The following CHSY3 variants were observed in gnomAD, a reference collection of about 807,000 sequenced individuals.
CHSY3 encodes the protein N-acetylgalactosaminyl-proteoglycan 3-beta-glucuronosyltransferase 3.
A neutral mutation model predicts 67.2 loss-of-function variants in CHSY3; 35 were observed. The ratio of observed to expected loss-of-function variants is 0.52; its 90% CI spans 0.40 to 0.69. The LOEUF is 0.69. CHSY3 is among the 30% of genes least tolerant of loss of function. The pLI, the probability that CHSY3 is intolerant of heterozygous loss-of-function variation, is 0.00. For synonymous variants in CHSY3, 474 were observed against 434.7 expected, an observed-to-expected ratio of 1.09 and a Z score of -1.12; for missense variants, 1,069 against 1,138.5, an observed-to-expected ratio of 0.94 and a Z score of 0.88.
chr5:129,948,258 T>C (rs1364681233), intron 2 of CHSY3, among the ~76,000 whole-genome samples: 1 of 152,200 alleles, frequency 6.6e-6, no homozygotes, highest in Non-Finnish European at 1.5e-5. Flanking sequence ...TTAGTCGTGA[T>C]TTCTGAGATT....
intron 2 of CHSY3, among the ~76,000 whole-genome samples, chr5:130,100,038 A>G (rs1175293774): frequency 6.6e-6 from 1 of 152,164 alleles, no homozygotes; most frequent in Non-Finnish European, 1.5e-5. Context: ...TTTAGAAAAT[A>G]GATACTGTAT....
intron 2 of CHSY3, among the ~76,000 whole-genome samples, chr5:130,095,850 C>T (rs1292089564): frequency 6.6e-6 from 1 of 152,238 alleles, no homozygotes; most frequent in Non-Finnish European, 1.5e-5. Flanking sequence ...CCGAGGTTAA[C>T]ATAACCACCA....
intron 2 of CHSY3, among the ~76,000 whole-genome samples, chr5:129,920,214 A>C (rs773438902): frequency 1.3e-5 from 2 of 152,146 alleles, no homozygotes; most frequent in Non-Finnish European, 2.9e-5. Flanking sequence ...GTCCTCCACT[A>C]ATCCACAAGG....
rs1769024771 is a variant in CHSY3, at chr5:130,144,878, T to TA, written c.1087-39349dup. On this transcript the variant is annotated intron_variant, in intron 2 of 2. Transcript: ENST00000305031. The stretch of plus-strand genomic sequence containing the variant: ...AAGTGGCTCACAGTTCTGCAGGCTG[T>TA]AAGCCAATTACAAAGAAGCATGATG... Among the ~76,000 whole-genome samples the TA allele has an allele frequency of 2.0e-5, 3 of 152,314 alleles. No homozygotes were observed. The South Asian group carries it at 6.2e-4, about 32-fold the overall frequency.
intron 2 of CHSY3, among the ~76,000 whole-genome samples, chr5:129,920,285 C>T (rs767059411): frequency 3.3e-5 from 5 of 152,120 alleles, no homozygotes; most frequent in Non-Finnish European, 7.4e-5. Flanking sequence ...ACTCTGTCAC[C>T]GAGGCTGTAG....
intron 2 of CHSY3, among the ~76,000 whole-genome samples, chr5:130,059,773 T>C (rs1332299181): frequency 6.6e-6 from 1 of 152,148 alleles, no homozygotes; most frequent in African/African-American, 2.4e-5. Flanking sequence ...TCAAAAGGTA[T>C]CATATACTTT....
chr5:129,920,809 A>G (rs1444515466), intron 2 of CHSY3, among the ~76,000 whole-genome samples: 1 of 150,520 alleles, frequency 6.6e-6, no homozygotes, highest in Non-Finnish European at 1.5e-5. Context: ...CAACCCCACC[A>G]TAAGATTTTT....
At chr5:130,158,845 G>A (rs1769444864) in intron 2 of CHSY3, among the ~76,000 whole-genome samples, 2 of 152,158 alleles carry the variant, frequency 1.3e-5, no homozygotes, top group Non-Finnish European at 2.9e-5. Context: ...TGTTGGCCAA[G>A]CTGGAGTGCA....
chr5:130,040,288 C>T (rs1446506685), intron 2 of CHSY3, among the ~76,000 whole-genome samples: 1 of 152,210 alleles, frequency 6.6e-6, no homozygotes, highest in African/African-American at 2.4e-5. Flanking sequence ...GAGTACACCA[C>T]GTGAAGACAA....
chr5:130,006,820 C>T (rs1763891127), intron 2 of CHSY3, among the ~76,000 whole-genome samples: 1 of 152,050 alleles, frequency 6.6e-6, no homozygotes, highest in African/African-American at 2.4e-5. Flanking sequence ...TTTATCTAAT[C>T]CCATATAGAT....
At chr5:130,160,277 T>C (rs1580789920) in intron 2 of CHSY3, among the ~76,000 whole-genome samples, 1 of 152,346 alleles carries the variant, frequency 6.6e-6, no homozygotes, top group East Asian at 1.9e-4. Flanking sequence ...CTTGCCTTAC[T>C]TAGAAATCAT....
At chr5:130,069,245 C>G (rs767474865) in intron 2 of CHSY3, among the ~76,000 whole-genome samples, 4 of 151,994 alleles carry the variant, frequency 2.6e-5, no homozygotes, top group Non-Finnish European at 5.9e-5. Context: ...GCATTTGAAG[C>G]TATAAGACTA....
At chr5:130,090,123 T>G (rs1766827429) in intron 2 of CHSY3, among the ~76,000 whole-genome samples, 1 of 152,142 alleles carries the variant, frequency 6.6e-6, no homozygotes, top group Admixed American at 6.6e-5. Context: ...ATTCAAAGTT[T>G]CTGTCTTCCC....
At chr5:129,905,870 T>TG in intron 1 of CHSY3, 1 of 885,920 alleles carries the variant, frequency 1.1e-6, no homozygotes, top group Admixed American at 3.2e-5. Flanking sequence ...CTTCCTCACT[T>TG]GCTGTTTTCG....
At chr5:130,053,541 C>T (rs186432185) in intron 2 of CHSY3, among the ~76,000 whole-genome samples, 3 of 152,134 alleles carry the variant, frequency 2.0e-5, no homozygotes, top group Admixed American at 2.0e-4. Flanking sequence ...TCCTTCAGTT[C>T]CTAATTGGGA....
intron 2 of CHSY3, among the ~76,000 whole-genome samples, chr5:129,965,744 C>A (rs1401854224): frequency 6.6e-6 from 1 of 151,782 alleles, no homozygotes; most frequent in Non-Finnish European, 1.5e-5. Flanking sequence ...AGTAATTATT[C>A]TTTGCAGCAA....
At chr5:130,128,078 C>A (rs1459555868) in intron 2 of CHSY3, among the ~76,000 whole-genome samples, 1 of 151,996 alleles carries the variant, frequency 6.6e-6, no homozygotes, top group African/African-American at 2.4e-5. Context: ...CCAAGAAAAT[C>A]TTTTCATTTC....
chr5:129,975,930 T>G (rs1446978472), intron 2 of CHSY3, among the ~76,000 whole-genome samples: 1 of 152,172 alleles, frequency 6.6e-6, no homozygotes, highest in Non-Finnish European at 1.5e-5. Flanking sequence ...AGGAGACTGA[T>G]GCATGCAGAG....
At chr5:130,116,206 G>A (rs184156946) in intron 2 of CHSY3, among the ~76,000 whole-genome samples, 68 of 152,208 alleles carry the variant, frequency 4.5e-4, no homozygotes, top group Non-Finnish European at 9.0e-4. Flanking sequence ...AGTAAAAAGA[G>A]GACATTTATA....
Sources: gnomAD v4.1 joint callset for allele counts (sites outside exome capture counted in the v4.1 genomes callset) on GRCh38, gnomAD v4.1.1 for gene constraint, MANE v1.5 for transcripts, NCBI Gene and HGNC (gene_info 2026-07-23, HGNC 2026-07-21) for gene names.